The following ARFGEF2 variants were observed in gnomAD, a reference collection of about 807,000 sequenced individuals.
ARFGEF2 encodes the protein ARF guanine nucleotide exchange factor 2.
ARFGEF2 carries 74 observed loss-of-function variants against 219.9 expected under a neutral mutation model. The observed-to-expected ratio is 0.34, with a 90% CI of 0.28 to 0.41. ARFGEF2 has a LOEUF of 0.41. ARFGEF2 is among the 10% of genes least tolerant of loss of function. The pLI, the probability that ARFGEF2 is intolerant of heterozygous loss-of-function variation, is 1.00. For missense variants in ARFGEF2, 1,743 were observed against 2,218.3 expected (o/e 0.79, Z 4.30); for synonymous variants, 733 against 799.2 (o/e 0.92, Z 1.40).
Position 49,013,890 on chromosome 20 carries a change from G to A in ARFGEF2, c.4109G>A (p.Trp1370Ter). The A allele has an allele frequency of 1.2e-6, 2 of 1,614,052 alleles. No individual in the cohort carries two copies. The highest frequency in any genetic ancestry group is 1.7e-6 in the Non-Finnish European group (2 of 1,179,990). ...TATGGCCACACCTTTGAAAAGCACT[G>A]GTGGCAGGACCTGTTCAGAATCGTG... The part of the protein sequence containing the change: ...KSYGHTFEKH[W>*]WQDLFRIVFR... The change falls in exon 30 of 39, where the codon TGG (tryptophan) becomes TAG (stop). Residue 1370 changes from tryptophan (W) to a stop codon, truncating the protein, a stop_gained. Transcript: ENST00000371917. LOFTEE classifies it high-confidence loss of function.
At chr20:48,939,339 C>G (rs1052155271) in intron 1 of ARFGEF2, among the ~76,000 whole-genome samples, 5 of 152,114 alleles carry the variant, frequency 3.3e-5, no homozygotes, top group Non-Finnish European at 7.3e-5. Context: ...GCGAAGACCT[C>G]ATTGCTTTAG....
At chr20:48,985,788 C>T (rs1380092397) in intron 16 of ARFGEF2, among the ~76,000 whole-genome samples, 175 bp downstream of exon 16, 1 of 152,196 alleles carries the variant, frequency 6.6e-6, no homozygotes, top group African/African-American at 2.4e-5. Context: ...TCACAGCAAC[C>T]TGTTTATGTC....
chr20:48,921,721 G>A lies in ARFGEF2; in HGVS notation c.-169G>A, dbSNP rs927012586. Among the ~76,000 whole-genome samples the A allele has an allele frequency of 6.6e-6, 1 of 152,062 alleles. No homozygotes were observed. Among genetic ancestry groups the A allele is most frequent in the Non-Finnish European group, 1.5e-5 (1 of 67,962 alleles). On this transcript the variant is annotated 5_prime_UTR_variant, in exon 1 of 39. It adds an upstream start codon to the 5' untranslated region. Transcript: ENST00000371917. ...GCGGCCTCGCCAGTCACGTGGTCAC[G>A]TGACGCGCTCCAACATGGCGGCGCC...
intron 1 of ARFGEF2, among the ~76,000 whole-genome samples, chr20:48,924,684 C>T (rs1326310521): frequency 6.6e-6 from 1 of 152,120 alleles, no homozygotes; most frequent in Non-Finnish European, 1.5e-5. Context: ...GAAACAGCTT[C>T]TGTGATATGA....
chr20:49,012,512 G>GT (rs1555814646), intron 28 of ARFGEF2, among the ~76,000 whole-genome samples: 2 of 151,978 alleles, frequency 1.3e-5, no homozygotes, highest in Non-Finnish European at 2.9e-5. Context: ...TTGTTTGTTT[G>GT]TTTTTTTGAT....
rs1298940252 is a variant in ARFGEF2, at chr20:48,921,816, G to A, written c.-74G>A. Reference sequence around the variant, plus strand: ...GCGGCCGGTGCCGGCCGGGACGCCGGGCCCGCAGCCTAGCTCGCCATCTCG... The same window carrying A: ...GCGGCCGGTGCCGGCCGGGACGCCGAGCCCGCAGCCTAGCTCGCCATCTCG... On this transcript the variant is annotated 5_prime_UTR_variant, in exon 1 of 39. Transcript: ENST00000371917. 3.1e-6 allele frequency: 4 copies of A among 1,289,274 alleles called. No homozygotes were observed. The highest frequency in any genetic ancestry group is 1.6e-5 in the African/African-American group (1 of 63,242). 79.9% of individuals were successfully genotyped at this position (1,289,274 alleles called of 1,614,324 possible). A position where few individuals can be genotyped will look rare whatever the true frequency, so the allele number is the denominator to read the frequency against.
intron 7 of ARFGEF2, 32 bp downstream of exon 7, chr20:48,963,930 T>C (rs1348534677): frequency 1.2e-6 from 2 of 1,603,746 alleles, no homozygotes; most frequent in Admixed American, 1.7e-5. Flanking sequence ...GCCTTTCCTC[T>C]TCCCTCATTC....
At chr20:48,929,443 C>T (rs1398258249) in intron 1 of ARFGEF2, among the ~76,000 whole-genome samples, 1 of 152,156 alleles carries the variant, frequency 6.6e-6, no homozygotes, top group African/African-American at 2.4e-5. Context: ...TGGGTGTCAC[C>T]CCTGGTGTCA....
chr20:48,976,234 A>G, intron 14 of ARFGEF2, 35 bp downstream of exon 14: 1 of 1,611,234 alleles, frequency 6.2e-7, no homozygotes, highest in Non-Finnish European at 8.5e-7. Flanking sequence ...CAGGGATTCT[A>G]GCAAAGCCAT....
intron 23 of ARFGEF2, among the ~76,000 whole-genome samples, chr20:48,997,633 C>T (rs143457666): frequency 6.6e-6 from 1 of 152,296 alleles, no homozygotes; most frequent in East Asian, 1.9e-4. Flanking sequence ...CTGCTTTCAA[C>T]TCAGTTCACT....
At chr20:48,998,579 T>A in intron 25 of ARFGEF2, 74 bp downstream of exon 25, 1 of 1,518,376 alleles carries the variant, frequency 6.6e-7, no homozygotes, top group Non-Finnish European at 9.0e-7. Flanking sequence ...AAAAAAGAAG[T>A]GATAAATAAT....
In ARFGEF2 at chr20:49,025,449, A is replaced by G. The variant is rs778880126; in HGVS notation, c.4892A>G (p.Asn1631Ser). The change falls in exon 36 of 39, where the codon AAT (asparagine) becomes AGT (serine). Residue 1631 changes from asparagine to serine, a missense_variant. This residue lies in a region of ARFGEF2 where 578 missense variants were observed against 664.0 expected (regional missense o/e 0.87). Coordinates refer to ENST00000371917, the MANE Select transcript of ARFGEF2 (RefSeq NM_006420.3). ...TCATTCTCAAAGGCCTTCAACTCCA[A>G]TTACGAGCAGCGGACTGTCCTGTGG... ...SHSFSKAFNS[N>S]YEQRTVLWRA... 20 of 1,614,034 alleles carry G rather than the reference A, an allele frequency of 1.2e-5. No individual in the cohort carries two copies. Among genetic ancestry groups the G allele is most frequent in the Non-Finnish European group, 1.4e-5 (16 of 1,180,018 alleles).
chr20:48,999,459 A>T (rs977796284), intron 25 of ARFGEF2, among the ~76,000 whole-genome samples: 2 of 152,016 alleles, frequency 1.3e-5, no homozygotes, highest in African/African-American at 4.8e-5. Flanking sequence ...ATCAAAAGAA[A>T]TGTATGTGGC....
chr20:49,029,833 T>TCTGC (rs985501009), intron 37 of ARFGEF2, among the ~76,000 whole-genome samples: 11 of 151,624 alleles, frequency 7.3e-5, no homozygotes, highest in African/African-American at 2.4e-4. Flanking sequence ...CCTCAGGTGA[T>TCTGC]CTGCCGACCT....
chr20:48,975,763 T>G (rs1005666877), intron 13 of ARFGEF2, among the ~76,000 whole-genome samples: 7 of 131,180 alleles, frequency 5.3e-5, no homozygotes, highest in Non-Finnish European at 1.1e-4. Flanking sequence ...ATCGTGCCAC[T>G]GCACTCCAGC....
chr20:48,947,107 T>C (rs1347177505), intron 3 of ARFGEF2, among the ~76,000 whole-genome samples: 1 of 152,150 alleles, frequency 6.6e-6, no homozygotes, highest in Non-Finnish European at 1.5e-5. Context: ...AATTTAAAAT[T>C]ATAGGTTAGG....
intron 23 of ARFGEF2, among the ~76,000 whole-genome samples, chr20:48,996,767 C>G (rs1386894723): frequency 1.3e-5 from 2 of 148,556 alleles, no homozygotes; most frequent in Non-Finnish European, 3.0e-5. Flanking sequence ...AAAGCCTACC[C>G]ATGAATGAGA....
intron 27 of ARFGEF2, among the ~76,000 whole-genome samples, chr20:49,011,312 A>G (rs914830632): frequency 6.6e-6 from 1 of 152,236 alleles, no homozygotes; most frequent in African/African-American, 2.4e-5. Context: ...ATTTTCCCTA[A>G]GAGCCATGGT....
chr20:49,006,608 G>A (rs1438661547), intron 26 of ARFGEF2, among the ~76,000 whole-genome samples: 2 of 152,198 alleles, frequency 1.3e-5, no homozygotes. Context: ...CTTAGGAAAA[G>A]GCCTGAAGGA....
Sources: allele counts gnomAD v4.1 joint callset (sites outside exome capture counted in the v4.1 genomes callset), GRCh38; gene constraint gnomAD v4.1.1; regional missense constraint gnomAD v4.1.1; transcripts MANE v1.5; gene names NCBI Gene and HGNC (gene_info 2026-07-23, HGNC 2026-07-21).